The following HRNR variants were observed in gnomAD, a reference collection of about 807,000 sequenced individuals.
HRNR encodes the protein hornerin.
Under a neutral mutation model 4.8 loss-of-function variants are expected in HRNR, and 7 were observed. That is an observed-to-expected ratio of 1.47 (90% confidence interval 0.83 to 2.75). The LOEUF is 2.75. Ranked by LOEUF, HRNR falls within the 30% of genes most tolerant of loss-of-function variation. The probability of loss-of-function intolerance (pLI) is 0.00; values close to 1 mark genes in which losing one functional copy is unlikely to be tolerated. For missense variants in HRNR, 2,879 were observed against 3,010.4 expected (o/e 0.96, Z 1.02); for synonymous variants, 1,023 against 1,242.7 (o/e 0.82, Z 3.72).
Position 152,220,454 on chromosome 1 carries a change from G to C in HRNR, c.1175C>G (p.Ser392Cys). 1 of 1,613,938 alleles carries C rather than the reference G, an allele frequency of 6.2e-7. No individual in the cohort carries two copies. The highest frequency in any genetic ancestry group is 8.5e-7 in the Non-Finnish European group (1 of 1,179,994). ...GQASSSGQHG[S>C]SSRQSSSYGQ... is the part of the protein sequence containing the mutation. Reference sequence around the variant, plus strand: ...ATAGCTGGAAGACTGACGTGAGCTGGAGCCATGTTGGCCAGAGCTTGATGC... The same window carrying C: ...ATAGCTGGAAGACTGACGTGAGCTGCAGCCATGTTGGCCAGAGCTTGATGC... The change falls in exon 3 of 3, where the codon TCC (serine) becomes TGC (cysteine). Residue 392 changes from serine to cysteine, a missense_variant. By Grantham distance (112) the Ser-to-Cys change is moderately radical. This residue lies in a region of HRNR where 2,646 missense variants were observed against 1,377.7 expected (regional missense o/e 1.92). Transcript: ENST00000368801.
rs1053245025 is a variant in HRNR at position 152,212,777 on chromosome 1, A to G, written c.*299T>C. Reference sequence around the variant, plus strand: ...ATGAGCTCTCAAAAAGACAACTCCAACTAAACCCAAAGCTCTTTAAAAGCT... The same window carrying G: ...ATGAGCTCTCAAAAAGACAACTCCAGCTAAACCCAAAGCTCTTTAAAAGCT... On this transcript the variant is annotated 3_prime_UTR_variant, in exon 3 of 3. Transcript: ENST00000368801. 7.0e-6 allele frequency: 3 copies of G among 428,724 alleles called. No individual in the cohort carries two copies. The highest frequency in any genetic ancestry group is 4.0e-5 in the African/African-American group (2 of 49,640). The allele number at this position is 428,724 out of a possible 1,614,324, so 26.6% of individuals were successfully genotyped here.
At position 152,220,376 on chromosome 1, in the gene HRNR, G is replaced by C; in HGVS notation, c.1253C>G (p.Ser418Cys). ...RHSSGRGQHS[S>C]GSGQSPGHGQ... ...GTGGCCTGGAGACTGGCCAGATCCA[G>C]AGCTGTGTTGGCCGCGGCCTGAAGA... is the stretch of plus-strand genomic sequence containing the variant. Residue 418 changes from serine to cysteine, a missense_variant, in exon 3 of 3, where the codon TCT (serine) becomes TGT (cysteine). Transcript: ENST00000368801. 1 of 1,613,772 alleles carries C rather than the reference G, an allele frequency of 6.2e-7. No homozygotes were observed. Among genetic ancestry groups the C allele is most frequent in the Non-Finnish European group, 8.5e-7 (1 of 1,179,760 alleles).
At position 152,218,456 on chromosome 1, in the gene HRNR, C is replaced by G. The variant is rs768182514; in HGVS notation, c.3173G>C (p.Gly1058Ala). 8.1e-6 allele frequency: 13 copies of G among 1,613,830 alleles called. No individual in the cohort carries two copies. Among genetic ancestry groups the G allele is most frequent in the Admixed American group, 1.7e-5 (1 of 60,010 alleles). Residue 1058 changes from glycine (G) to alanine (A), a missense_variant, in exon 3 of 3, where the codon GGA becomes GCA. Transcript: ENST00000368801. ...SGLGHRESRS[G>A]QSSGYGQHGS... The stretch of plus-strand genomic sequence containing the variant: ...ATGTTGACCGTAGCCAGAGGACTGT[C>G]CTGAGCGAGACTCTCGGTGACCTAA...
rs562132712 is a variant in HRNR at position 152,219,313 on chromosome 1, A to C, written c.2316T>G (p.Ser772=). 6.2e-7 allele frequency: 1 copy of C among 1,613,326 alleles called. No homozygotes were observed. Among genetic ancestry groups the C allele is most frequent in the Non-Finnish European group, 8.5e-7 (1 of 1,179,860 alleles). Residue 772 remains serine (S), a synonymous_variant, in exon 3 of 3, where the codon TCT becomes TCG. Coordinates refer to ENST00000368801, the MANE Select transcript of HRNR (RefSeq NM_001009931.3). The part of the protein sequence containing the change: ...SSGHGRQGSG[S]GHSPSRVRHG... ...GTCGGACACGGCTAGGAGAGTGGCC[A>C]GATCCAGACCCTTGTCGGCCGTGGC...
chr1:152,212,925 A>G lies in HRNR; in HGVS notation c.*151T>C. The G allele has an allele frequency of 9.5e-7, 1 of 1,048,772 alleles. No individual in the cohort carries two copies. The highest frequency in any genetic ancestry group is 1.7e-5 in the South Asian group (1 of 57,892). The allele number at this position is 1,048,772 out of a possible 1,614,324, so 65.0% of individuals were successfully genotyped here. A position where few individuals can be genotyped will look rare whatever the true frequency, so the allele number is the denominator to read the frequency against. On this transcript the variant is annotated 3_prime_UTR_variant, in exon 3 of 3. Coordinates refer to ENST00000368801, the MANE Select transcript of HRNR (RefSeq NM_001009931.3). ...AACCCCATAACAAGATATATGCTAC[A>G]GTTTTAGGCTCTAAAGAAAGAGACA...
rs760511179 is a variant in HRNR, at chr1:152,218,839, A to T, written c.2790T>A (p.Ser930=). ...CTGAGCTAGACTTGTGACCAAAGCC[A>T]GAAGACTGGCCTGAGCCAGACCCAT... ...GRHGSGSGQS[S]GFGHKSSSGQ... is the part of the protein sequence containing the mutation. Residue 930 remains serine (S), a synonymous_variant, in exon 3 of 3, where the codon TCT becomes TCA. Coordinates refer to ENST00000368801, the MANE Select transcript of HRNR (RefSeq NM_001009931.3). 77 of 1,612,934 alleles carry T rather than the reference A, an allele frequency of 4.8e-5. No individual in the cohort carries two copies. Among genetic ancestry groups the T allele is most frequent in the Non-Finnish European group, 6.2e-5 (73 of 1,179,764 alleles).
rs1648879025 is a variant in HRNR at position 152,219,881 on chromosome 1, C to T, written c.1748G>A (p.Gly583Asp). 2 of 1,613,952 alleles carry T rather than the reference C, an allele frequency of 1.2e-6. No individual in the cohort carries two copies. The highest frequency in any genetic ancestry group is 1.1e-5 in the South Asian group (1 of 91,074). The change falls in exon 3 of 3, where the codon GGC becomes GAC. Residue 583 changes from glycine (G) to aspartate (D), a missense_variant. Physicochemically the swap from Gly to Asp is moderately conservative, Grantham distance 94 (BLOSUM62 -1). This residue lies in a region of HRNR where 2,646 missense variants were observed against 1,377.7 expected (regional missense o/e 1.92). Transcript: ENST00000368801. ...TGAGCGAGACTCTTGGTGACCTAAG[C>T]CAGAAGAGTGACCGGAGCCAGACTC... is the stretch of plus-strand genomic sequence containing the variant. ...PYESGSGHSSGLGHQESRSGQ... is the reference protein window; with the variant it reads ...PYESGSGHSSDLGHQESRSGQ...
chr1:152,219,625 A>G lies in HRNR; in HGVS notation c.2004T>C (p.Asp668=), dbSNP rs773155149. The part of the protein sequence containing the change: ...QSPSRGRHGS[D]FGHSSSYGQH... ...GGCCGTAGCTGGAAGAGTGCCCAAAATCGGACCCATGTCGGCCGCGACTAG... is the reference window on the plus strand; with the variant it reads ...GGCCGTAGCTGGAAGAGTGCCCAAAGTCGGACCCATGTCGGCCGCGACTAG... Residue 668 remains aspartate (D), a synonymous_variant, in exon 3 of 3, where the codon GAT becomes GAC. Coordinates refer to ENST00000368801, the MANE Select transcript of HRNR (RefSeq NM_001009931.3). 71 of 1,609,338 alleles carry G rather than the reference A, an allele frequency of 4.4e-5. No individual in the cohort carries two copies. Among genetic ancestry groups the G allele is most frequent in the Middle Eastern group, 1.6e-4 (1 of 6,068 alleles).
chr1:152,218,821 A>T lies in HRNR; in HGVS notation c.2808T>A (p.Ser936=), dbSNP rs1172471292. 2.5e-6 allele frequency: 4 copies of T among 1,612,908 alleles called. No homozygotes were observed. The highest frequency in any genetic ancestry group is 3.4e-6 in the Non-Finnish European group (4 of 1,179,834). The change falls in exon 3 of 3, where the codon TCT becomes TCA. Residue 936 remains serine (S), a synonymous_variant. Transcript: ENST00000368801. ...TGTAACCAGAGGACTGCCCTGAGCT[A>T]GACTTGTGACCAAAGCCAGAAGACT... The part of the protein sequence containing the change: ...SGQSSGFGHK[S]SSGQSSGYTQ...
Position 152,223,178 on chromosome 1 carries a change from C to T in HRNR, c.76G>A (p.Asp26Asn). ...YQYATQHGEY[D>N]TLNKAELKEL... The stretch of plus-strand genomic sequence containing the variant: ...TTCAGCTCTGCCTTGTTCAACGTAT[C>T]ATACTCCCCATGCTGGGTGGCATAT... The change falls in exon 2 of 3, where the codon GAT becomes AAT. Residue 26 changes from aspartate to asparagine, a missense_variant. Asp to Asn is a conservative substitution (Grantham distance 23, BLOSUM62 1). Coordinates refer to ENST00000368801, the MANE Select transcript of HRNR (RefSeq NM_001009931.3). 3.1e-6 allele frequency: 5 copies of T among 1,613,832 alleles called. No individual in the cohort carries two copies. The highest frequency in any genetic ancestry group is 1.3e-5 in the African/African-American group (1 of 75,044).
At position 152,219,504 on chromosome 1, in the gene HRNR, G is replaced by T; in HGVS notation, c.2125C>A (p.Gln709Lys). The T allele has an allele frequency of 6.2e-7, 1 of 1,613,944 alleles. No individual in the cohort carries two copies. Among genetic ancestry groups the T allele is most frequent in the Non-Finnish European group, 8.5e-7 (1 of 1,179,992 alleles). ...SGFGHKSGSG[Q>K]SSGYSQHGSG... Reference sequence around the variant, plus strand: ...CCATGCTGACTGTAACCAGAGGACTGCCCTGAGCCAGACTTGTGACCAAAG... The same window carrying T: ...CCATGCTGACTGTAACCAGAGGACTTCCCTGAGCCAGACTTGTGACCAAAG... Residue 709 changes from glutamine (Q) to lysine (K), a missense_variant, in exon 3 of 3, where the codon CAG (glutamine) becomes AAG (lysine). Around this residue, in one of 8 missense-constraint regions of HRNR, gnomAD observed 2,646 missense variants for 1,377.7 expected, o/e 1.92. Transcript: ENST00000368801.
chr1:152,219,420 A>G lies in HRNR; in HGVS notation c.2209T>C (p.Ser737Pro), dbSNP rs1246240950. 2.5e-6 allele frequency: 4 copies of G among 1,613,916 alleles called. No individual in the cohort carries two copies. The highest frequency in any genetic ancestry group is 3.4e-6 in the Non-Finnish European group (4 of 1,180,024). ...CTAGATCCGTGTTGTTCACTCCTAG[A>G]TGACTGTCCTGACCTAGAGCCGTGT... is the stretch of plus-strand genomic sequence containing the variant. Reference protein sequence around the residue: ...RKHGSRSGQSSRSEQHGSSSG... With the variant: ...RKHGSRSGQSPRSEQHGSSSG... Residue 737 changes from serine (S) to proline (P), a missense_variant, in exon 3 of 3, where the codon TCT becomes CCT. Around this residue, in one of 8 missense-constraint regions of HRNR, gnomAD observed 2,646 missense variants for 1,377.7 expected, o/e 1.92. Coordinates refer to ENST00000368801, the MANE Select transcript of HRNR (RefSeq NM_001009931.3).
Position 152,212,712 on chromosome 1 carries a change from G to T in HRNR, c.*364C>A. 1 of 262,340 alleles carries T rather than the reference G, an allele frequency of 3.8e-6. No individual in the cohort carries two copies. The highest frequency in any genetic ancestry group is 1.0e-4 in the East Asian group (1 of 9,970). The allele number at this position is 262,340 out of a possible 1,614,324, so 16.3% of individuals were successfully genotyped here. ...TGCATTTGTAATATTTTGCTTCTAA[G>T]AAATGTAAGGTTAGCTTTGGCACCA... is the stretch of plus-strand genomic sequence containing the variant. On this transcript the variant is annotated 3_prime_UTR_variant, in exon 3 of 3. Transcript: ENST00000368801.
Position 152,213,215 on chromosome 1 carries a change from G to C in HRNR, c.8414C>G (p.Ser2805Ter). 6.2e-7 allele frequency: 1 copy of C among 1,614,138 alleles called. No individual in the cohort carries two copies. Among genetic ancestry groups the C allele is most frequent in the Non-Finnish European group, 8.5e-7 (1 of 1,180,028 alleles). ...SSGYSQHGSG[S>*]GQDGYSYCKG... ...GCAATAAGAATACCCATCTTGCCCT[G>C]AGCCACTTCCATGCTGACTATAACC... Residue 2805 changes from serine (S) to a stop codon, truncating the protein, a stop_gained, in exon 3 of 3, where the codon TCA becomes TGA. Coordinates refer to ENST00000368801, the MANE Select transcript of HRNR (RefSeq NM_001009931.3). LOFTEE classifies it low-confidence loss of function (END_TRUNC).
chr1:152,221,188 A>T lies in HRNR; in HGVS notation c.441T>A (p.Ser147Arg). The change falls in exon 3 of 3, where the codon AGT becomes AGA. Residue 147 changes from serine (S) to arginine (R), a missense_variant. Physicochemically the swap from Ser to Arg is moderately radical, Grantham distance 110. This residue lies in a region of HRNR where 2,646 missense variants were observed against 1,377.7 expected (regional missense o/e 1.92). Transcript: ENST00000368801. ...NDSYSRNVRG[S>R]LKPGTESISR... ...ATATGGATTCAGTCCCAGGTTTAAG[A>T]CTTCCTCTGACGTTTCTGGAATAGG... 2 of 1,614,162 alleles carry T rather than the reference A, an allele frequency of 1.2e-6. No homozygotes were observed. Among genetic ancestry groups the T allele is most frequent in the Non-Finnish European group, 1.7e-6 (2 of 1,180,012 alleles).
At position 152,219,842 on chromosome 1, in the gene HRNR, C is replaced by G. The variant is rs746958779; in HGVS notation, c.1787G>C (p.Gly596Ala). 1.2e-6 allele frequency: 2 copies of G among 1,612,118 alleles called. No individual in the cohort carries two copies. Among genetic ancestry groups the G allele is most frequent in the East Asian group, 2.2e-5 (1 of 44,720 alleles). Residue 596 changes from glycine (G) to alanine (A), a missense_variant, in exon 3 of 3, where the codon GGC becomes GCC. Physicochemically the swap from Gly to Ala is moderately conservative, Grantham distance 60 (BLOSUM62 0). Transcript: ENST00000368801. Reference sequence around the variant, plus strand: ...CGAGCTAGATCCGTGTTGACCGTAGCCAGAGGACTGTCCTGAGCGAGACTC... The same window carrying G: ...CGAGCTAGATCCGTGTTGACCGTAGGCAGAGGACTGTCCTGAGCGAGACTC... ...HQESRSGQSSGYGQHGSSSGH... is the reference protein window; with the variant it reads ...HQESRSGQSSAYGQHGSSSGH...
chr1:152,218,576 G>T lies in HRNR; in HGVS notation c.3053C>A (p.Ser1018Tyr), dbSNP rs115232928. ...TGGGCCATAGCTGGAAGACTGCCCG[G>T]AACCAGACCCATGTCGGCCACGGCT... is the stretch of plus-strand genomic sequence containing the variant. ...SPSRGRHGSG[S>Y]GQSSSYGPYR... The change falls in exon 3 of 3, where the codon TCC becomes TAC. Residue 1018 changes from serine (S) to tyrosine (Y), a missense_variant. By Grantham distance (144) the Ser-to-Tyr change is moderately radical. Coordinates refer to ENST00000368801, the MANE Select transcript of HRNR (RefSeq NM_001009931.3). 3,592 of 1,613,700 alleles carry T rather than the reference G, an allele frequency of 2.2e-3. 94 individuals are homozygous for T. In the African/African-American group the frequency reaches 0.043, roughly 20 times the overall value.
rs530497167 is a variant in HRNR, at chr1:152,212,709, T to G, written c.*367A>C. 1 of 260,292 alleles carries G rather than the reference T, an allele frequency of 3.8e-6. No homozygotes were observed. The highest frequency in any genetic ancestry group is 2.3e-5 in the African/African-American group (1 of 43,828). 16.1% of individuals were successfully genotyped at this position (260,292 alleles called of 1,614,324 possible). On this transcript the variant is annotated 3_prime_UTR_variant, in exon 3 of 3. Transcript: ENST00000368801. ...TAATGCATTTGTAATATTTTGCTTC[T>G]AAGAAATGTAAGGTTAGCTTTGGCA...
At position 152,220,343 on chromosome 1, in the gene HRNR, C is replaced by T. The variant is rs141454792; in HGVS notation, c.1286G>A (p.Arg429His). The change falls in exon 3 of 3, where the codon CGT (arginine) becomes CAT (histidine). Residue 429 changes from arginine (R) to histidine (H), a missense_variant. By Grantham distance (29) the Arg-to-His change is conservative. Around this residue, in one of 8 missense-constraint regions of HRNR, gnomAD observed 2,646 missense variants for 1,377.7 expected, o/e 1.92. Transcript: ENST00000368801. The part of the protein sequence containing the change: ...GSGQSPGHGQ[R>H]GSGSGQSPSS... ...GGGAGACTGCCCTGACCCAGACCCA[C>T]GCTGGCCGTGGCCTGGAGACTGGCC... The T allele has an allele frequency of 3.5e-4, 564 of 1,613,112 alleles. 3 individuals are homozygous for T. Among genetic ancestry groups the T allele is most frequent in the East Asian group, 2.6e-3 (118 of 44,828 alleles).
Sources: allele counts gnomAD v4.1 joint callset, GRCh38; gene constraint gnomAD v4.1.1; regional missense constraint gnomAD v4.1.1; transcripts MANE v1.5; gene names NCBI Gene and HGNC (gene_info 2026-07-23, HGNC 2026-07-21).